GPA33: variants seen among roughly 807,000 people sequenced by gnomAD.
GPA33 encodes glycoprotein A33.
A neutral mutation model predicts 35.6 loss-of-function variants in GPA33; 27 were observed. The ratio of observed to expected loss-of-function variants is 0.76; its 90% CI spans 0.56 to 1.04. The LOEUF is 1.04. Ranked by LOEUF, GPA33 falls within the 50% of genes least tolerant of loss-of-function variation. The probability of loss-of-function intolerance (pLI) is 0.00; values close to 1 mark genes in which losing one functional copy is unlikely to be tolerated. For synonymous variants in GPA33, 176 were observed against 164.0 expected, an observed-to-expected ratio of 1.07 and a Z score of -0.56; for missense variants, 428 against 411.9, an observed-to-expected ratio of 1.04 and a Z score of -0.34.
chr1:167,079,183 TAAGAAAGAGCTCATA>T (rs1666878282), intron 1 of GPA33, among the ~76,000 whole-genome samples: 1 of 151,906 alleles, frequency 6.6e-6, no homozygotes, highest in African/African-American at 2.4e-5. Flanking sequence ...AATGAATGAA[TAAGAAAGAGCTCATA>T]AAGAAAAAAA....
At chr1:167,074,647 A>C (rs1666784417) in intron 1 of GPA33, among the ~76,000 whole-genome samples, 1 of 152,162 alleles carries the variant, frequency 6.6e-6, no homozygotes, top group African/African-American at 2.4e-5. Flanking sequence ...CAGTGGTGAG[A>C]ACTTTCCAGG....
At chr1:167,084,117 A>G (rs1219150106) in intron 1 of GPA33, among the ~76,000 whole-genome samples, 1 of 152,170 alleles carries the variant, frequency 6.6e-6, no homozygotes, top group Non-Finnish European at 1.5e-5. Flanking sequence ...TTGAGTCTTT[A>G]TCCTAATAGT....
chr1:167,084,541 G>A (rs1169915732), intron 1 of GPA33, among the ~76,000 whole-genome samples: 1 of 152,244 alleles, frequency 6.6e-6, no homozygotes, highest in Non-Finnish European at 1.5e-5. Flanking sequence ...GTGATGCTGG[G>A]TCAGTTTCTG....
At chr1:167,077,080 C>A (rs899636983) in intron 1 of GPA33, among the ~76,000 whole-genome samples, 2 of 152,060 alleles carry the variant, frequency 1.3e-5, no homozygotes, top group African/African-American at 2.4e-5. Context: ...GTGGTGCATG[C>A]CTGTAGTCCC....
Position 167,073,442 on chromosome 1 carries a change from A to T in GPA33, c.141T>A (p.Thr47=). The change falls in exon 2 of 7, where the codon ACT becomes ACA. Residue 47 remains threonine (T), a synonymous_variant. Coordinates refer to ENST00000367868, the MANE Select transcript of GPA33 (RefSeq NM_005814.3). ...TAAGTCCCTCTCGACTGGAGGTGGA[A>T]GTGTGGTAGGTGCAGGGCAGGGTGA... ...KSVTLPCTYH[T]STSSREGLIQ... 2 of 1,613,842 alleles carry T rather than the reference A, an allele frequency of 1.2e-6. No individual in the cohort carries two copies. Among genetic ancestry groups the T allele is most frequent in the Non-Finnish European group, 1.7e-6 (2 of 1,179,714 alleles).
chr1:167,089,594 A>G (rs190191957), intron 1 of GPA33, among the ~76,000 whole-genome samples: 49 of 152,262 alleles, frequency 3.2e-4, no homozygotes, highest in Middle Eastern at 6.8e-3. Flanking sequence ...CTGTGCTATT[A>G]AGCACTTGAT....
intron 1 of GPA33, among the ~76,000 whole-genome samples, chr1:167,088,939 G>A (rs1667106486): frequency 6.6e-6 from 1 of 152,124 alleles, no homozygotes; most frequent in Non-Finnish European, 1.5e-5. Flanking sequence ...GCTGAGATAG[G>A]CCCACTTATG....
chr1:167,087,337 C>G (rs565150457), intron 1 of GPA33, among the ~76,000 whole-genome samples: 48 of 152,274 alleles, frequency 3.2e-4, no homozygotes, highest in African/African-American at 1.1e-3. Flanking sequence ...TGTGTCAAGT[C>G]CTCTTCTAAG....
chr1:167,088,297 C>A (rs894025846), intron 1 of GPA33, among the ~76,000 whole-genome samples: 1 of 152,146 alleles, frequency 6.6e-6, no homozygotes, highest in Non-Finnish European at 1.5e-5. Flanking sequence ...TGGGGAGGGC[C>A]GCCTGGTTGC....
At position 167,090,275 on chromosome 1, in the gene GPA33, T is replaced by A. The variant is rs752367882; in HGVS notation, c.13A>T (p.Met5Leu). Residue 5 changes from methionine (M) to leucine (L), a missense_variant, in exon 1 of 7, where the codon ATG becomes TTG. Met to Leu is a conservative substitution (Grantham distance 15). Coordinates refer to ENST00000367868, the MANE Select transcript of GPA33 (RefSeq NM_005814.3). ...CAGAGTGTCCACAACACAGGCCACATCTTCCCCACCATGGTCTTGCTTCTT... is the reference window on the plus strand; with the variant it reads ...CAGAGTGTCCACAACACAGGCCACAACTTCCCCACCATGGTCTTGCTTCTT... Reference protein sequence around the residue: MVGKMWPVLWTLCAV... With the variant: MVGKLWPVLWTLCAV... 4 of 1,613,766 alleles carry A rather than the reference T, an allele frequency of 2.5e-6. No individual in the cohort carries two copies. The South Asian group carries it at 4.4e-5, about 18-fold the overall frequency.
intron 2 of GPA33, among the ~76,000 whole-genome samples, chr1:167,071,266 T>G (rs1571313226): frequency 6.6e-6 from 1 of 152,100 alleles, no homozygotes; most frequent in Non-Finnish European, 1.5e-5. Flanking sequence ...TGGCTGCTGG[T>G]GTGAAATGCT....
intron 2 of GPA33, among the ~76,000 whole-genome samples, chr1:167,071,811 T>G (rs138569958): frequency 4.6e-5 from 7 of 152,234 alleles, no homozygotes; most frequent in African/African-American, 1.7e-4. Flanking sequence ...ATAATCTCCT[T>G]GAGGGGCCGT....
At chr1:167,062,794 G>A (rs942446536) in intron 4 of GPA33, among the ~76,000 whole-genome samples, 1 of 151,872 alleles carries the variant, frequency 6.6e-6, no homozygotes, top group Non-Finnish European at 1.5e-5. Context: ...TGGTGCTGTC[G>A]TTGTGTGGAG....
At chr1:167,061,355 A>C (rs914831942) in intron 4 of GPA33, among the ~76,000 whole-genome samples, 2 of 152,296 alleles carry the variant, frequency 1.3e-5, no homozygotes, top group Admixed American at 1.3e-4. Flanking sequence ...AGACACTACC[A>C]GTGTCCACAG....
Position 167,054,409 on chromosome 1 carries a change from C to CCTCT in GPA33, c.881_884dup (p.Glu297GlyfsTer5), listed in dbSNP as rs1558000339. 1 of 1,614,148 alleles carries CCTCT rather than the reference C, an allele frequency of 6.2e-7. No individual in the cohort carries two copies. Among genetic ancestry groups the CCTCT allele is most frequent in the East Asian group, 2.2e-5 (1 of 44,882 alleles). ...CTTGCCTGTAGTCATCCTCCTCCTC[C>CCTCT]CTCTCTCTGGAAAGTTCTCTTAGCT... On this transcript the variant is annotated frameshift_variant, in exon 7 of 7. Transcript: ENST00000367868. LOFTEE classifies it low-confidence loss of function (END_TRUNC).
rs755733404 is a variant in GPA33, at chr1:167,063,701, T to C, written c.452A>G (p.Glu151Gly). 40 of 1,613,312 alleles carry C rather than the reference T, an allele frequency of 2.5e-5. No individual in the cohort carries two copies. Among genetic ancestry groups the C allele is most frequent in the Non-Finnish European group, 3.1e-5 (37 of 1,179,944 alleles). ...PSKPECGIEG[E>G]TIIGNNIQLT... Reference sequence around the variant, plus strand: ...CTGGATGTTGTTCCCAATTATGGTCTCTCCCTCGATGCCGCATTCTGGTTT... The same window carrying C: ...CTGGATGTTGTTCCCAATTATGGTCCCTCCCTCGATGCCGCATTCTGGTTT... Residue 151 changes from glutamate to glycine, a missense_variant, in exon 4 of 7, where the codon GAG becomes GGG. Physicochemically the swap from Glu to Gly is moderately conservative, Grantham distance 98. Coordinates refer to ENST00000367868, the MANE Select transcript of GPA33 (RefSeq NM_005814.3).
Position 167,090,366 on chromosome 1 carries a change from A to G in GPA33, c.-79T>C. ...AGGTCTGAGCTGTCTGGTTAAAGCT[A>G]CAGCAGCTTCTGGCCTGGCCCAACT... is the stretch of plus-strand genomic sequence containing the variant. On this transcript the variant is annotated 5_prime_UTR_variant, in exon 1 of 7. Coordinates refer to ENST00000367868, the MANE Select transcript of GPA33 (RefSeq NM_005814.3). 1.6e-6 allele frequency: 2 copies of G among 1,247,640 alleles called. No homozygotes were observed. Among genetic ancestry groups the G allele is most frequent in the Non-Finnish European group, 2.3e-6 (2 of 853,034 alleles). The allele number at this position is 1,247,640 out of a possible 1,614,324, so 77.3% of individuals were successfully genotyped here.
intron 2 of GPA33, among the ~76,000 whole-genome samples, chr1:167,073,156 T>G (rs1272922651): frequency 6.6e-6 from 1 of 152,162 alleles, no homozygotes; most frequent in South Asian, 2.1e-4. Flanking sequence ...TCATTTGAGA[T>G]TGGCCACCAG....
At chr1:167,084,739 G>T (rs575325974) in intron 1 of GPA33, among the ~76,000 whole-genome samples, 1 of 152,186 alleles carries the variant, frequency 6.6e-6, no homozygotes, top group African/African-American at 2.4e-5. Context: ...TTCCAATGCC[G>T]GTTAAGCCAA....
Sources: gnomAD v4.1 joint callset for allele counts (sites outside exome capture counted in the v4.1 genomes callset) on GRCh38, gnomAD v4.1.1 for gene constraint, MANE v1.5 for transcripts, NCBI Gene and HGNC (gene_info 2026-07-23, HGNC 2026-07-21) for gene names.